LRRC7: variants seen among roughly 807,000 people sequenced by gnomAD.
The protein encoded by LRRC7 is leucine-rich repeat-containing protein 7.
LRRC7 carries 23 observed loss-of-function variants against 175.7 expected under a neutral mutation model. The ratio of observed to expected loss-of-function variants is 0.13; its 90% confidence interval spans 0.09 to 0.19. The LOEUF (loss-of-function observed/expected upper bound fraction) is 0.19. Ranked by LOEUF, LRRC7 falls within the 10% of genes least tolerant of loss-of-function variation. The probability of loss-of-function intolerance (pLI) is 1.00; values close to 1 mark genes in which losing one functional copy is unlikely to be tolerated. For synonymous variants in LRRC7, 685 were observed against 680.9 expected, an observed-to-expected ratio of 1.01 and a Z score of -0.09; for missense variants, 1,354 against 1,904.7, an observed-to-expected ratio of 0.71 and a Z score of 5.38.
intron 2 of LRRC7, among the ~76,000 whole-genome samples, chr1:69,728,747 T>C (rs898543964): frequency 6.6e-6 from 1 of 152,178 alleles, no homozygotes; most frequent in African/African-American, 2.4e-5. Flanking sequence ...ATTTGGCAAT[T>C]GAAAGAAGTG....
At chr1:69,887,936 C>A (rs1053344583) in intron 7 of LRRC7, among the ~76,000 whole-genome samples, 1 of 143,978 alleles carries the variant, frequency 6.9e-6, no homozygotes, top group Non-Finnish European at 1.5e-5. Context: ...GCTCAGGGGT[C>A]AGGGGTCAGG....
chr1:69,983,883 T>G (rs1239516235), intron 9 of LRRC7, among the ~76,000 whole-genome samples: 2 of 152,172 alleles, frequency 1.3e-5, no homozygotes, highest in African/African-American at 4.8e-5. Flanking sequence ...TTAATATGTG[T>G]TAAAATGTGG....
chr1:70,141,646 T>C lies in LRRC7; in HGVS notation c.*19759T>C, dbSNP rs1214385058. The C allele has an allele frequency of 6.6e-6, 1 of 152,174 alleles. No individual in the cohort carries two copies. Among genetic ancestry groups the C allele is most frequent in the East Asian group, 1.9e-4 (1 of 5,198 alleles). 9.4% of individuals were successfully genotyped at this position (152,174 alleles called of 1,614,324 possible). On this transcript the variant is annotated 3_prime_UTR_variant, in exon 27 of 27. Transcript: ENST00000651989. ...TAAGAAAATTATCAAATGTAAATGA[T>C]CCCTTTTTTGCTGGATCTTATAAAA...
rs1679675948 is a variant in LRRC7 at position 69,824,572 on chromosome 1, T to A, written c.422-1176T>A. ...GCGTGAGAAACATCGCAAACCCCAC[T>A]TTGTACCCCTTTGTACCCCTATTTG... On this transcript the variant is annotated intron_variant, in intron 4 of 26. Transcript: ENST00000651989. Among the ~76,000 whole-genome samples the A allele has an allele frequency of 3.9e-5, 6 of 152,116 alleles. No individual in the cohort carries two copies. In the South Asian group the frequency reaches 1.2e-3, roughly 32 times the overall value.
intron 1 of LRRC7, among the ~76,000 whole-genome samples, chr1:69,639,575 T>C (rs1327499323): frequency 6.6e-6 from 1 of 151,794 alleles, no homozygotes; most frequent in African/African-American, 2.4e-5. Context: ...TAAGGACATC[T>C]TTAAAGGGGT....
chr1:70,084,868 C>A (rs1293095960), intron 24 of LRRC7, among the ~76,000 whole-genome samples: 3 of 152,034 alleles, frequency 2.0e-5, no homozygotes. Flanking sequence ...ATCTCATTGT[C>A]ATTTTGATTT....
intron 1 of LRRC7, among the ~76,000 whole-genome samples, chr1:69,597,944 A>G (rs757631870): frequency 6.6e-6 from 1 of 152,234 alleles, no homozygotes; most frequent in Non-Finnish European, 1.5e-5. Context: ...GAAACAAGAA[A>G]GACTCAACTA....
chr1:70,014,440 G>A (rs920191548), intron 13 of LRRC7, among the ~76,000 whole-genome samples: 11 of 151,932 alleles, frequency 7.2e-5, no homozygotes, highest in Middle Eastern at 6.3e-3. Context: ...AATACATAGA[G>A]GAGCTCACAA....
intron 24 of LRRC7, among the ~76,000 whole-genome samples, chr1:70,077,196 G>A (rs1427519616): frequency 6.6e-6 from 1 of 151,998 alleles, no homozygotes; most frequent in African/African-American, 2.4e-5. Context: ...ATTGTTAAGA[G>A]CCATTTATCA....
intron 17 of LRRC7, among the ~76,000 whole-genome samples, chr1:70,023,681 C>A (rs980230022): frequency 6.6e-6 from 1 of 151,566 alleles, no homozygotes; most frequent in African/African-American, 2.4e-5. Context: ...AATAGTTGGG[C>A]AGAATGTTGA....
rs117229761 is a variant in LRRC7 at position 70,003,408 on chromosome 1, C to T, written c.1005-8389C>T. On this transcript the variant is annotated intron_variant, in intron 11 of 26. Coordinates refer to ENST00000651989, the MANE Select transcript of LRRC7 (RefSeq NM_001370785.2). ...GAGATGAGGTGTTTGAAATTGTTTC[C>T]ATGCTTTGTGACAGAGTCCTGAAGA... Among the ~76,000 whole-genome samples, 268 of 152,200 alleles carry T rather than the reference C, an allele frequency of 1.8e-3. 3 individuals carry two copies. Among genetic ancestry groups the T allele is most frequent in the Admixed American group, 0.011 (172 of 15,272 alleles).
chr1:69,762,799 A>G (rs1486338060), intron 3 of LRRC7, among the ~76,000 whole-genome samples: 1 of 152,102 alleles, frequency 6.6e-6, no homozygotes, highest in African/African-American at 2.4e-5. Context: ...AATTAAAAAT[A>G]ATATAAGTAC....
intron 7 of LRRC7, among the ~76,000 whole-genome samples, chr1:69,882,421 G>A (rs1334614633): frequency 6.6e-6 from 1 of 152,038 alleles, no homozygotes; most frequent in Non-Finnish European, 1.5e-5. Context: ...GTTCATTGCA[G>A]GATTATTCAC....
At chr1:69,823,871 G>C (rs1679592408) in intron 4 of LRRC7, among the ~76,000 whole-genome samples, 1 of 152,034 alleles carries the variant, frequency 6.6e-6, no homozygotes, top group Non-Finnish European at 1.5e-5. Flanking sequence ...TTTCAGAGTA[G>C]AAAACTAAGG....
At chr1:69,791,968 C>T (rs1042556115) in intron 3 of LRRC7, 75 bp from the exon 4 acceptor site, 1 of 972,128 alleles carries the variant, frequency 1.0e-6, no homozygotes, top group Admixed American at 2.0e-5. Flanking sequence ...AACATGGTGA[C>T]TTTAATTTTG....
At chr1:70,034,229 G>T (rs17131142) in intron 18 of LRRC7, among the ~76,000 whole-genome samples, 12,071 of 151,990 alleles carry the variant, frequency 0.079, 584 homozygotes, top group South Asian at 0.13. Context: ...CCTCCCTTCT[G>T]TCACCTTAAA....
At chr1:69,576,044 C>A (rs1175118843) in intron 1 of LRRC7, among the ~76,000 whole-genome samples, 1 of 148,180 alleles carries the variant, frequency 6.7e-6, no homozygotes, top group African/African-American at 2.5e-5. Context: ...CCAACTTGGG[C>A]AATATAGTGA....
chr1:69,913,588 T>G lies in LRRC7; in HGVS notation c.648-17919T>G, dbSNP rs184178717. Among the ~76,000 whole-genome samples the G allele has an allele frequency of 9.0e-4, 137 of 152,212 alleles. 1 individual carries two copies. The highest frequency in any genetic ancestry group is 2.1e-3 in the South Asian group (10 of 4,814). ...GTGCAATGGTGCGATCTCGGCTCACTGCAACCTCCACCTCCCGGGTTCAAG... is the reference window on the plus strand; with the variant it reads ...GTGCAATGGTGCGATCTCGGCTCACGGCAACCTCCACCTCCCGGGTTCAAG... On this transcript the variant is annotated intron_variant, in intron 7 of 26. Coordinates refer to ENST00000651989, the MANE Select transcript of LRRC7 (RefSeq NM_001370785.2).
intron 2 of LRRC7, among the ~76,000 whole-genome samples, chr1:69,722,763 T>C (rs1666499755): frequency 6.6e-6 from 1 of 152,108 alleles, no homozygotes; most frequent in South Asian, 2.1e-4. Context: ...CTTCTATAAA[T>C]TGTATATTGA....
Sources: allele counts gnomAD v4.1 joint callset (sites outside exome capture counted in the v4.1 genomes callset), GRCh38; gene constraint gnomAD v4.1.1; transcripts MANE v1.5; gene names NCBI Gene and HGNC (gene_info 2026-07-23, HGNC 2026-07-21).